Variants in SMAP1 observed in about 807,000 individuals in gnomAD.
SMAP1 encodes the protein small ArfGAP 1.
A neutral mutation model predicts 58.5 loss-of-function variants in SMAP1; 24 were observed. The observed-to-expected ratio is 0.41, with a 90% CI of 0.30 to 0.58. The LOEUF (loss-of-function observed/expected upper bound fraction) is 0.58, where lower values mean the gene tolerates loss of function less well. SMAP1 is among the 20% of genes least tolerant of loss of function. The pLI is 0.29. For missense variants in SMAP1, 563 were observed against 566.3 expected, an observed-to-expected ratio of 0.99 and a Z score of 0.06; for synonymous variants, 216 against 196.6, an observed-to-expected ratio of 1.10 and a Z score of -0.82.
intron 5 of SMAP1, among the ~76,000 whole-genome samples, chr6:70,793,324 C>T (rs192910786): frequency 1.8e-4 from 28 of 152,126 alleles, no homozygotes; most frequent in African/African-American, 6.0e-4. Flanking sequence ...TAAGCCACTG[C>T]GCCTGGCCAA....
At chr6:70,753,067 G>A (rs996923808) in intron 2 of SMAP1, among the ~76,000 whole-genome samples, 5 of 150,102 alleles carry the variant, frequency 3.3e-5, no homozygotes, top group Admixed American at 1.3e-4. Flanking sequence ...TTTCCCCCCC[G>A]AGATATTAAT....
Position 70,668,077 on chromosome 6 carries a change from G to C in SMAP1, c.54G>C (p.Gln18His). Residue 18 changes from glutamine (Q) to histidine (H), a missense_variant, in exon 1 of 11, where the codon CAG (glutamine) becomes CAC (histidine). Physicochemically the swap from Gln to His is conservative, Grantham distance 24 (BLOSUM62 0). This residue lies in a region of SMAP1 where 52 missense variants were observed against 46.6 expected (regional missense o/e 1.11). Transcript: ENST00000370455. ...EKAQKLNEQH[Q>H]LILSKLLREE... ...CTCAGAAGCTGAACGAGCAGCACCAGCTCATCCTATCCAAGCTTCTGAGGG... is the reference window on the plus strand; with the variant it reads ...CTCAGAAGCTGAACGAGCAGCACCACCTCATCCTATCCAAGCTTCTGAGGG... 1 of 1,606,240 alleles carries C rather than the reference G, an allele frequency of 6.2e-7. No homozygotes were observed.
At chr6:70,764,242 C>T (rs767882436) in intron 3 of SMAP1, among the ~76,000 whole-genome samples, 10 of 152,148 alleles carry the variant, frequency 6.6e-5, no homozygotes, top group Non-Finnish European at 1.5e-4. Context: ...AAGAAGCCAT[C>T]TGCAGAACAT....
At chr6:70,768,083 A>G (rs142717293) in intron 3 of SMAP1, among the ~76,000 whole-genome samples, 1,729 of 152,194 alleles carry the variant, frequency 0.011, 38 homozygotes, top group African/African-American at 0.04. Flanking sequence ...AACCAGCCTT[A>G]CATCCCAGGG....
intron 1 of SMAP1, among the ~76,000 whole-genome samples, chr6:70,725,399 A>G (rs1768731913): frequency 6.6e-6 from 1 of 152,022 alleles, no homozygotes; most frequent in South Asian, 2.1e-4. Context: ...TACAGGCGTG[A>G]GGGAAAACTT....
intron 1 of SMAP1, among the ~76,000 whole-genome samples, chr6:70,670,417 C>T (rs1181071080): frequency 1.3e-5 from 2 of 152,008 alleles, no homozygotes; most frequent in African/African-American, 2.4e-5. Context: ...TTGAAAAATT[C>T]GACATGATAG....
intron 3 of SMAP1, among the ~76,000 whole-genome samples, chr6:70,759,626 A>C (rs1478718003): frequency 6.6e-6 from 1 of 152,058 alleles, no homozygotes. Context: ...GGTTGGTAGG[A>C]ATACTGTTTC....
chr6:70,857,849 T>C, intron 9 of SMAP1, 73 bp from the exon 10 acceptor site: 1 of 1,531,330 alleles, frequency 6.5e-7, no homozygotes, highest in Non-Finnish European at 8.8e-7. Flanking sequence ...AAGGCAATTT[T>C]TCTGTGATTA....
At position 70,773,208 on chromosome 6, in the gene SMAP1, G is replaced by C. The variant is rs2149914613; in HGVS notation, c.339-142G>C. The C allele has an allele frequency of 1.2e-5, 7 of 563,858 alleles. No homozygotes were observed. The South Asian group carries it at 1.6e-4, about 13-fold the overall frequency. The allele number at this position is 563,858 out of a possible 1,614,324, so 34.9% of individuals were successfully genotyped here. On this transcript the variant is annotated intron_variant, in intron 3 of 10. Transcript: ENST00000370455. ...AAAGAAAAGTAGTTTACAGAATGTA[G>C]TTGCAGAAATAATGTGAAAGAGAGC...
In SMAP1 at chr6:70,672,735, G is replaced by A. The variant is rs190579058; in HGVS notation, c.118+4594G>A. On this transcript the variant is annotated intron_variant, in intron 1 of 10. Coordinates refer to ENST00000370455, the MANE Select transcript of SMAP1 (RefSeq NM_001044305.3). Reference sequence around the variant, plus strand: ...CTGGCAGGCAGCAGGGTGTGTGAAAGGGAGTGCACCTGTGAAAGGGAGTGG... The same window carrying A: ...CTGGCAGGCAGCAGGGTGTGTGAAAAGGAGTGCACCTGTGAAAGGGAGTGG... 3.0e-4 allele frequency among the ~76,000 whole-genome samples: 46 copies of A among 152,210 alleles called. 1 individual carries two copies. The highest frequency in any genetic ancestry group is 9.9e-4 in the African/African-American group (41 of 41,538).
intron 10 of SMAP1, chr6:70,859,609 G>A: frequency 2.6e-6 from 1 of 385,650 alleles, no homozygotes; most frequent in South Asian, 6.1e-5. Flanking sequence ...CACCAATTTT[G>A]GAAGTAAGAG....
Position 70,838,532 on chromosome 6 carries a change from G to T in SMAP1, c.664+1504G>T, listed in dbSNP as rs111601821. On this transcript the variant is annotated intron_variant, in intron 7 of 10. Coordinates refer to ENST00000370455, the MANE Select transcript of SMAP1 (RefSeq NM_001044305.3). Reference sequence around the variant, plus strand: ...TAATTTTAAATAGGGTGGACGGGGGGCATTCACAGATGTCTTATTGGAGCA... The same window carrying T: ...TAATTTTAAATAGGGTGGACGGGGGTCATTCACAGATGTCTTATTGGAGCA... 5.9e-5 allele frequency among the ~76,000 whole-genome samples: 9 copies of T among 152,280 alleles called. 1 individual carries two copies. In the South Asian group the frequency reaches 1.2e-3, roughly 21 times the overall value.
intron 1 of SMAP1, among the ~76,000 whole-genome samples, chr6:70,673,237 C>T (rs540082827): frequency 6.6e-6 from 1 of 152,288 alleles, no homozygotes; most frequent in African/African-American, 2.4e-5. Flanking sequence ...CTACCGCTGC[C>T]CCACTGTCAT....
Position 70,856,865 on chromosome 6 carries a change from C to A in SMAP1, c.796C>A (p.Pro266Thr), listed in dbSNP as rs747368846. 6.2e-7 allele frequency: 1 copy of A among 1,610,854 alleles called. No individual in the cohort carries two copies. Among genetic ancestry groups the A allele is most frequent in the Non-Finnish European group, 8.5e-7 (1 of 1,178,164 alleles). Residue 266 changes from proline (P) to threonine (T), a missense_variant, in exon 9 of 11, where the codon CCC becomes ACC. This residue lies in a region of SMAP1 where 494 missense variants were observed against 473.8 expected (regional missense o/e 1.04). Coordinates refer to ENST00000370455, the MANE Select transcript of SMAP1 (RefSeq NM_001044305.3). ...ATTTTGGTGTTTGTCTCAGGGGACA[C>A]CCTCTGCACCAGCAGCTGCAACCCT... ...ATVMPPAQGTPSAPAAATLST... is the reference protein window; with the variant it reads ...ATVMPPAQGTTSAPAAATLST...
chr6:70,741,832 G>A (rs1015000587), intron 2 of SMAP1, among the ~76,000 whole-genome samples: 9 of 152,192 alleles, frequency 5.9e-5, no homozygotes, highest in African/African-American at 2.2e-4. Context: ...CTAGGCGGAG[G>A]TTCCCAAAAG....
rs543086074 is a variant in SMAP1, at chr6:70,753,500, A to G, written c.253-1480A>G. Among the ~76,000 whole-genome samples, 188 of 152,264 alleles carry G rather than the reference A, an allele frequency of 1.2e-3. 1 individual carries two copies. The highest frequency in any genetic ancestry group is 4.3e-3 in the African/African-American group (180 of 41,570). ...TGTTTACAAATTCCCATCACGGCAC[A>G]AAGATGCAGCATCATTTGAATGCTT... On this transcript the variant is annotated intron_variant, in intron 2 of 10. Coordinates refer to ENST00000370455, the MANE Select transcript of SMAP1 (RefSeq NM_001044305.3).
chr6:70,676,960 T>G (rs909695265), intron 1 of SMAP1, among the ~76,000 whole-genome samples: 5 of 151,644 alleles, frequency 3.3e-5, no homozygotes, highest in Admixed American at 1.3e-4. Context: ...TAAAAAAAAT[T>G]TTTTTGTTGG....
In SMAP1 at chr6:70,759,991, G is replaced by A. The variant is rs7753170; in HGVS notation, c.338+4926G>A. 8.3e-3 allele frequency: 2,470 copies of A among 297,414 alleles called. 65 individuals carry two copies. The highest frequency in any genetic ancestry group is 0.049 in the African/African-American group (2,235 of 46,076). The allele number at this position is 297,414 out of a possible 1,614,324, so 18.4% of individuals were successfully genotyped here. ...AATATTTTCTTTTGTGGGGAGTGGG[G>A]TGGGAAGGATGAGATGCTCAAAGAG... On this transcript the variant is annotated intron_variant, in intron 3 of 10. Transcript: ENST00000370455.
chr6:70,745,276 A>C (rs540654134), intron 2 of SMAP1, among the ~76,000 whole-genome samples: 4 of 152,328 alleles, frequency 2.6e-5, no homozygotes, highest in African/African-American at 9.6e-5. Context: ...GGTATTGCCT[A>C]CGTTTTCTTA....
Sources: gnomAD v4.1 joint callset for allele counts (sites outside exome capture counted in the v4.1 genomes callset) on GRCh38, gnomAD v4.1.1 for gene constraint, gnomAD v4.1.1 regional missense constraint, MANE v1.5 for transcripts, NCBI Gene and HGNC (gene_info 2026-07-23, HGNC 2026-07-21) for gene names.